The following KIF13A variants were observed in gnomAD, a reference collection of about 807,000 sequenced individuals.
KIF13A encodes kinesin-like protein KIF13A.
KIF13A carries 79 observed loss-of-function variants against 212.2 expected under a neutral mutation model. The ratio of observed to expected loss-of-function variants is 0.37; its 90% CI spans 0.31 to 0.45. The LOEUF is 0.45. Among genes scored for constraint, KIF13A ranks in the 20% least tolerant of loss-of-function variants. KIF13A has a pLI of 1.00. For synonymous variants in KIF13A, 789 were observed against 808.6 expected (o/e 0.98, Z 0.41); for missense variants, 1,901 against 2,209.0 (o/e 0.86, Z 2.79).
Position 17,777,529 on chromosome 6 carries a change from C to T in KIF13A, c.4093-175G>A, listed in dbSNP as rs895439725. On this transcript the variant is annotated intron_variant, in intron 33 of 38. Transcript: ENST00000259711. The surrounding 1 kb of genome is among the most constrained non-coding windows in gnomAD (Gnocchi z 4.4). ...CTGAGTAGCTGGGACTACAGGTGCA[C>T]GCCACCACACTCGGCTAATTTTTTT... 2.6e-5 allele frequency among the ~76,000 whole-genome samples: 4 copies of T among 151,944 alleles called. No individual in the cohort carries two copies. The highest frequency in any genetic ancestry group is 9.7e-5 in the African/African-American group (4 of 41,336).
Position 17,787,160 on chromosome 6 carries a change from C to A in KIF13A, c.3361+616G>T, listed in dbSNP as rs772330078. ...CTGCTGTATGTCCTAGGTCCTGGTG[C>A]CTAAAGTACCTTGTATTGACATACT... On this transcript the variant is annotated intron_variant, in intron 27 of 38. Transcript: ENST00000259711. This position sits in a 1 kb window ranked among gnomAD's most constrained non-coding sequence, Gnocchi z 4.6. Among the ~76,000 whole-genome samples the A allele has an allele frequency of 1.2e-4, 18 of 152,116 alleles. No individual in the cohort carries two copies. Among genetic ancestry groups the A allele is most frequent in the Non-Finnish European group, 2.6e-4 (18 of 68,020 alleles).
chr6:17,783,688 C>A lies in KIF13A; in HGVS notation c.3502G>T (p.Gly1168Ter). 6.3e-7 allele frequency: 1 copy of A among 1,576,170 alleles called. No individual in the cohort carries two copies. ...GAPADWIPPPGMETHIPVLFL... is the reference protein window; with the variant it reads ...GAPADWIPPP Reference sequence around the variant, plus strand: ...AGAACTGGTATGTGGGTTTCCATTCCAGGAGGTGGGATCCTAAATTTAATA... The same window carrying A: ...AGAACTGGTATGTGGGTTTCCATTCAAGGAGGTGGGATCCTAAATTTAATA... The change falls in exon 29 of 39, where the codon GGA becomes TGA. Residue 1168 changes from glycine to a stop codon, truncating the protein, a stop_gained. Coordinates refer to ENST00000259711, the MANE Select transcript of KIF13A (RefSeq NM_022113.6). LOFTEE classifies it high-confidence loss of function. The surrounding 1 kb of genome is among the most constrained non-coding windows in gnomAD (Gnocchi z 4.3).
At chr6:17,779,937 G>A (rs1263317366) in intron 31 of KIF13A, among the ~76,000 whole-genome samples, 1 of 150,704 alleles carries the variant, frequency 6.6e-6, no homozygotes, top group Non-Finnish European at 1.5e-5. Context: ...TAGTAGAGAC[G>A]GGGTTTCACC....
intron 2 of KIF13A, among the ~76,000 whole-genome samples, chr6:17,965,750 T>A (rs2150596717): frequency 6.6e-6 from 1 of 152,360 alleles, no homozygotes; most frequent in South Asian, 2.1e-4. Flanking sequence ...TGGTGATAGA[T>A]AACACATTAT....
chr6:17,760,577 C>CAA (rs11418580), downstream of KIF13A: 36 of 529,614 alleles, frequency 6.8e-5, no homozygotes, highest in Middle Eastern at 5.0e-4. Flanking sequence ...GTAGTAAGTG[C>CAA]AAAAAAAAAT....
chr6:17,829,691 C>T lies in KIF13A; in HGVS notation c.1402-1321G>A, dbSNP rs1381787148. 2.0e-5 allele frequency among the ~76,000 whole-genome samples: 3 copies of T among 152,046 alleles called. No homozygotes were observed. The highest frequency in any genetic ancestry group is 6.6e-5 in the Admixed American group (1 of 15,252). On this transcript the variant is annotated intron_variant, in intron 13 of 38. Transcript: ENST00000259711. The surrounding 1 kb of genome is among the most constrained non-coding windows in gnomAD (Gnocchi z 5.4). ...TGACAGAGAAAGTATAAGGATTGGTCTTTCAAAATCAGGATTTCAGAGACA... is the reference window on the plus strand; with the variant it reads ...TGACAGAGAAAGTATAAGGATTGGTTTTTCAAAATCAGGATTTCAGAGACA...
intron 2 of KIF13A, among the ~76,000 whole-genome samples, chr6:17,945,258 C>G (rs1777283739): frequency 6.6e-6 from 1 of 152,040 alleles, no homozygotes; most frequent in Non-Finnish European, 1.5e-5. Flanking sequence ...AAGCTAGATA[C>G]AGAAGAGCAC....
intron 2 of KIF13A, among the ~76,000 whole-genome samples, chr6:17,962,315 A>T (rs569107115): frequency 1.3e-5 from 2 of 152,236 alleles, no homozygotes; most frequent in East Asian, 3.9e-4. Flanking sequence ...CGTCTCAAAA[A>T]ACAAAGAAAA....
intron 2 of KIF13A, among the ~76,000 whole-genome samples, chr6:17,976,474 G>C (rs575857283): frequency 6.6e-6 from 1 of 152,348 alleles, no homozygotes; most frequent in Non-Finnish European, 1.5e-5. Context: ...CCGGCTGGCT[G>C]CTCCGAATGC....
downstream of KIF13A, among the ~76,000 whole-genome samples, chr6:17,763,485 A>AAG (rs1343529922): frequency 1.4e-5 from 2 of 146,304 alleles, no homozygotes; most frequent in Non-Finnish European, 3.0e-5. Context: ...CAAAAAAAAA[A>AAG]AAAAAAAAAA....
intron 2 of KIF13A, among the ~76,000 whole-genome samples, chr6:17,977,261 A>C (rs1003253115): frequency 7.2e-5 from 11 of 152,284 alleles, no homozygotes; most frequent in African/African-American, 2.6e-4. Context: ...TACTGCCCAT[A>C]CAAAATCATT....
chr6:17,836,665 G>C (rs1765981251), intron 11 of KIF13A, among the ~76,000 whole-genome samples: 1 of 152,108 alleles, frequency 6.6e-6, no homozygotes, highest in Non-Finnish European at 1.5e-5. Context: ...ACTATCACGA[G>C]AACAGCAAGG....
intron 9 of KIF13A, among the ~76,000 whole-genome samples, chr6:17,845,654 C>G (rs1365295249): frequency 6.6e-6 from 1 of 152,188 alleles, no homozygotes. Flanking sequence ...CTGAAGCAGC[C>G]AGACTGCAAT....
chr6:17,954,303 CAAAAAAAA>C (rs71002291), intron 2 of KIF13A, among the ~76,000 whole-genome samples: 1 of 107,216 alleles, frequency 9.3e-6, no homozygotes, highest in Admixed American at 1.0e-4. Flanking sequence ...GACTCCATCT[CAAAAAAAA>C]AAAAAAAAAA....
chr6:17,957,703 G>T (rs1350342677), intron 2 of KIF13A, among the ~76,000 whole-genome samples: 1 of 152,184 alleles, frequency 6.6e-6, no homozygotes, highest in Non-Finnish European at 1.5e-5. Context: ...CACCCAGCTG[G>T]TGTTCACTGC....
Position 17,786,357 on chromosome 6 carries a change from T to C in KIF13A, c.3362-716A>G, listed in dbSNP as rs557194156. Among the ~76,000 whole-genome samples the C allele has an allele frequency of 1.3e-5, 2 of 152,212 alleles. No individual in the cohort carries two copies. The highest frequency in any genetic ancestry group is 4.8e-5 in the African/African-American group (2 of 41,554). ...CTCACGGCTGTAACCCCAGCACTTT[T>C]GGAGGCCGAGGTGGGCAGATCTCCT... On this transcript the variant is annotated intron_variant, in intron 27 of 38. Transcript: ENST00000259711. This position sits in a 1 kb window ranked among gnomAD's most constrained non-coding sequence, Gnocchi z 5.4.
intron 2 of KIF13A, among the ~76,000 whole-genome samples, chr6:17,973,196 G>T (rs992222737): frequency 6.6e-6 from 1 of 152,180 alleles, no homozygotes; most frequent in Admixed American, 6.5e-5. Flanking sequence ...TACACTTGTT[G>T]CATAAAACAG....
intron 2 of KIF13A, among the ~76,000 whole-genome samples, chr6:17,908,155 A>T (rs889580669): frequency 3.3e-5 from 5 of 152,196 alleles, no homozygotes; most frequent in African/African-American, 9.7e-5. Flanking sequence ...CCACTCCACC[A>T]TGTCTACAAA....
rs754294753 is a variant in KIF13A, at chr6:17,837,442, T to C, written c.942+30A>G. On this transcript the variant is annotated intron_variant, in intron 10 of 38. Transcript: ENST00000259711. This position sits in a 1 kb window ranked among gnomAD's most constrained non-coding sequence, Gnocchi z 5.4. ...CACATCTGGAATAGCCAATTTTTAG[T>C]TGGAAAAGAACACTAGAGCAATGGA... 5 of 1,493,886 alleles carry C rather than the reference T, an allele frequency of 3.3e-6. No homozygotes were observed. Among genetic ancestry groups the C allele is most frequent in the Non-Finnish European group, 4.6e-6 (5 of 1,085,176 alleles). 92.5% of individuals were successfully genotyped at this position (1,493,886 alleles called of 1,614,324 possible).
Sources: gnomAD v4.1 joint callset for allele counts (sites outside exome capture counted in the v4.1 genomes callset) on GRCh38, gnomAD v4.1.1 for gene constraint, Gnocchi (gnomAD v3.1) non-coding constraint, MANE v1.5 for transcripts, NCBI Gene and HGNC (gene_info 2026-07-23, HGNC 2026-07-21) for gene names.